Variants in MRPS9 observed in about 807,000 individuals in gnomAD.
MRPS9 encodes the protein mitochondrial ribosomal protein S9, also known as small ribosomal subunit protein uS9m.
MRPS9 carries 45 observed loss-of-function variants against 59.9 expected under a neutral mutation model. The ratio of observed to expected loss-of-function variants is 0.75; its 90% CI spans 0.59 to 0.96. The LOEUF is 0.96. Ranked by LOEUF, MRPS9 falls within the 40% of genes least tolerant of loss-of-function variation. MRPS9 has a pLI of 0.00. For missense variants in MRPS9, 473 were observed against 481.1 expected (o/e 0.98, Z 0.16); for synonymous variants, 171 against 166.8 (o/e 1.03, Z -0.19).
Position 105,086,529 on chromosome 2 carries a change from G to A in MRPS9, c.490-2455G>A, listed in dbSNP as rs565561712. ...GACTTAAAACTTACGTACAAGATAG[G>A]TTGATTGTTGTTATTTTAGTTGCCT... On this transcript the variant is annotated intron_variant, in intron 5 of 10. Transcript: ENST00000258455. Among the ~76,000 whole-genome samples, 11 of 152,270 alleles carry A rather than the reference G, an allele frequency of 7.2e-5. No homozygotes were observed. In the East Asian group the frequency reaches 1.9e-3, roughly 27 times the overall value.
intron 1 of MRPS9, among the ~76,000 whole-genome samples, chr2:105,042,816 T>A (rs939325489): frequency 3.9e-5 from 6 of 152,216 alleles, no homozygotes; most frequent in African/African-American, 1.4e-4. Context: ...ATTTGTTAAA[T>A]GAACTTGTAA....
At chr2:105,091,578 T>C (rs1361104181) in intron 7 of MRPS9, 1 of 312,638 alleles carries the variant, frequency 3.2e-6, no homozygotes, top group Non-Finnish European at 6.5e-6. Flanking sequence ...ATTTTTACAA[T>C]AAAGGCAGTA....
chr2:105,066,108 T>C (rs907729779), intron 2 of MRPS9, among the ~76,000 whole-genome samples: 2 of 152,240 alleles, frequency 1.3e-5, no homozygotes, highest in Admixed American at 1.3e-4. Context: ...TTTTGTTATT[T>C]GGTTTTAAAA....
At chr2:105,038,469 G>T in intron 1 of MRPS9, 1 of 518,784 alleles carries the variant, frequency 1.9e-6, no homozygotes, top group South Asian at 2.1e-5. Context: ...GGTAGAAGTG[G>T]AGCGACCTCC....
At chr2:105,044,998 C>G (rs1377249908) in intron 1 of MRPS9, among the ~76,000 whole-genome samples, 1 of 151,856 alleles carries the variant, frequency 6.6e-6, no homozygotes, top group Non-Finnish European at 1.5e-5. Flanking sequence ...ATATAAAAAG[C>G]TAAAAATTCA....
chr2:105,090,670 A>G (rs1680541138), intron 7 of MRPS9, among the ~76,000 whole-genome samples: 1 of 152,240 alleles, frequency 6.6e-6, no homozygotes, highest in East Asian at 1.9e-4. Flanking sequence ...ATGTTCTAAT[A>G]TATCAACATT....
intron 7 of MRPS9, among the ~76,000 whole-genome samples, chr2:105,091,818 A>T (rs1680564768): frequency 6.6e-6 from 1 of 152,220 alleles, no homozygotes; most frequent in Non-Finnish European, 1.5e-5. Flanking sequence ...CAGAGGAGCA[A>T]GGATAATTTA....
chr2:105,054,083 G>C (rs912363513), intron 2 of MRPS9, among the ~76,000 whole-genome samples: 1 of 152,190 alleles, frequency 6.6e-6, no homozygotes, highest in African/African-American at 2.4e-5. Context: ...CTGGGATTTA[G>C]AGATTCCTTG....
chr2:105,049,979 GATA>G (rs940625430), intron 2 of MRPS9, among the ~76,000 whole-genome samples: 7 of 152,020 alleles, frequency 4.6e-5, no homozygotes, highest in South Asian at 2.1e-4. Flanking sequence ...TCTTTGTATA[GATA>G]ATAACATTCT....
chr2:105,043,315 GT>G (rs1679533799), intron 1 of MRPS9, among the ~76,000 whole-genome samples: 1 of 152,136 alleles, frequency 6.6e-6, no homozygotes, highest in African/African-American at 2.4e-5. Flanking sequence ...TTTCTTATTT[GT>G]TTAACATAGT....
rs1680600184 is a variant in MRPS9 at position 105,093,531 on chromosome 2, T to C, written c.822T>C (p.Gly274=). The C allele has an allele frequency of 1.3e-6, 2 of 1,565,214 alleles. No individual in the cohort carries two copies. The highest frequency in any genetic ancestry group is 1.7e-6 in the Non-Finnish European group (2 of 1,147,804). ...AATAGGAATTTTATATTTTTGAAGG[T>C]AAAAGAAAGACTGCAAAAGCAGAAG... is the stretch of plus-strand genomic sequence containing the variant. ...EQGMAFSKSE[G]KRKTAKAEAI... is the part of the protein sequence containing the mutation. The change falls in exon 9 of 11, where the codon GGT becomes GGC. Residue 274 remains glycine, a splice_region_variant and synonymous_variant. Transcript: ENST00000258455.
intron 4 of MRPS9, among the ~76,000 whole-genome samples, chr2:105,071,839 T>C (rs1680121723): frequency 6.6e-6 from 1 of 152,202 alleles, no homozygotes; most frequent in South Asian, 2.1e-4. Flanking sequence ...TGGAAGCACA[T>C]TTTCACTGAC....
intron 1 of MRPS9, among the ~76,000 whole-genome samples, chr2:105,039,250 G>T (rs1017449772): frequency 2.7e-5 from 4 of 148,504 alleles, no homozygotes; most frequent in African/African-American, 4.9e-5. Context: ...ACATCTTTTT[G>T]TATGTTCTTT....
chr2:105,051,353 A>G (rs1340290673), intron 2 of MRPS9, among the ~76,000 whole-genome samples: 2 of 152,298 alleles, frequency 1.3e-5, no homozygotes, highest in East Asian at 1.9e-4. Context: ...CAGTGTAACT[A>G]TGAGGGCTTA....
intron 5 of MRPS9, 22 bp from the exon 6 acceptor site, chr2:105,088,962 C>T (rs1447004785): frequency 1.3e-6 from 2 of 1,513,506 alleles, no homozygotes; most frequent in Non-Finnish European, 1.8e-6. Context: ...TTAGCATGTA[C>T]TGTATATTTT....
chr2:105,081,777 G>A (rs1422499668), intron 5 of MRPS9, among the ~76,000 whole-genome samples: 3 of 152,190 alleles, frequency 2.0e-5, no homozygotes, highest in East Asian at 1.9e-4. Context: ...GTTTTGTTAC[G>A]TATCTATAGA....
At position 105,089,170 on chromosome 2, in the gene MRPS9, A is replaced by G. The variant is rs769855244; in HGVS notation, c.575+101A>G. 622 of 801,306 alleles carry G rather than the reference A, an allele frequency of 7.8e-4. 6 individuals are homozygous for G. Among genetic ancestry groups the G allele is most frequent in the Non-Finnish European group, 1.8e-4 (89 of 500,698 alleles). The allele number at this position is 801,306 out of a possible 1,614,324, so 49.6% of individuals were successfully genotyped here. ...CATACCTGAAGCCTAAAATTTGTTC[A>G]GTATTTCAGCATTAAGCATTAAGGT... is the stretch of plus-strand genomic sequence containing the variant. On this transcript the variant is annotated intron_variant, in intron 6 of 10. Transcript: ENST00000258455.
intron 1 of MRPS9, among the ~76,000 whole-genome samples, chr2:105,039,634 T>C (rs796704294): frequency 2.7e-4 from 41 of 152,350 alleles, no homozygotes; most frequent in African/African-American, 9.1e-4. Context: ...CAGTATATTG[T>C]AAAGTAGAAA....
chr2:105,092,396 T>G lies in MRPS9; in HGVS notation c.652-5T>G. 1 of 1,595,248 alleles carries G rather than the reference T, an allele frequency of 6.3e-7. No individual in the cohort carries two copies. Among genetic ancestry groups the G allele is most frequent in the African/African-American group, 1.4e-5 (1 of 74,026 alleles). The stretch of plus-strand genomic sequence containing the variant: ...CACCTTCTAATGAATTTTTATTGTC[T>G]GCAGTATATGCAGTTCATTCGGCTG... On this transcript the variant is annotated splice_polypyrimidine_tract_variant and splice_region_variant and intron_variant, in intron 7 of 10. Coordinates refer to ENST00000258455, the MANE Select transcript of MRPS9 (RefSeq NM_182640.3).
Sources: gnomAD v4.1 joint callset for allele counts (sites outside exome capture counted in the v4.1 genomes callset) on GRCh38, gnomAD v4.1.1 for gene constraint, MANE v1.5 for transcripts, NCBI Gene and HGNC (gene_info 2026-07-23, HGNC 2026-07-21) for gene names.